DHX16: variants seen among roughly 807,000 people sequenced by gnomAD.
DHX16 encodes pre-mRNA-splicing factor ATP-dependent RNA helicase DHX16.
Under a neutral mutation model 131.2 loss-of-function variants are expected in DHX16, and 81 were observed. That is an observed-to-expected ratio of 0.62 (90% CI 0.52 to 0.74). DHX16 has a LOEUF of 0.74. Among genes scored for constraint, DHX16 ranks in the 30% least tolerant of loss-of-function variants. The pLI is 0.00. For synonymous variants in DHX16, 440 were observed against 520.2 expected, an observed-to-expected ratio of 0.85 and a Z score of 2.10; for missense variants, 980 against 1,363.1, an observed-to-expected ratio of 0.72 and a Z score of 4.43.
chr6:30,669,962 T>G (rs1167953586), intron 4 of DHX16, among the ~76,000 whole-genome samples: 1 of 152,002 alleles, frequency 6.6e-6, no homozygotes, highest in Non-Finnish European at 1.5e-5. Flanking sequence ...ACATAAGGGG[T>G]GCAGGAATTA....
chr6:30,670,558 T>A lies in DHX16; in HGVS notation c.610-92A>T. On this transcript the variant is annotated intron_variant, in intron 3 of 19. Coordinates refer to ENST00000376442, the MANE Select transcript of DHX16 (RefSeq NM_003587.5). The surrounding 1 kb of genome is among the most constrained non-coding windows in gnomAD (Gnocchi z 4.4). ...TCTAGAATCACAAGGATCATTCAGA[T>A]GCGCCCTAACACAAAAAATGTCCCC... 7.1e-7 allele frequency: 1 copy of A among 1,411,634 alleles called. No individual in the cohort carries two copies. Among genetic ancestry groups the A allele is most frequent in the South Asian group, 1.2e-5 (1 of 82,558 alleles). The allele number at this position is 1,411,634 out of a possible 1,614,324, so 87.4% of individuals were successfully genotyped here.
At chr6:30,661,531 C>T (rs1016192441) in intron 9 of DHX16, among the ~76,000 whole-genome samples, 43 of 152,320 alleles carry the variant, frequency 2.8e-4, no homozygotes, top group Non-Finnish European at 5.1e-4. Flanking sequence ...CTGCTGCTGG[C>T]ATCATTCTTG....
chr6:30,659,868 G>T, intron 10 of DHX16, 34 bp from the exon 11 acceptor site: 1 of 1,602,818 alleles, frequency 6.2e-7, no homozygotes, highest in Non-Finnish European at 8.5e-7. Flanking sequence ...TCACAGGAGG[G>T]CCACCTGCTT....
In DHX16 at chr6:30,656,660, T is replaced by C. The variant is rs1768012582; in HGVS notation, c.2248A>G (p.Thr750Ala). The C allele has an allele frequency of 6.2e-7, 1 of 1,613,962 alleles. No homozygotes were observed. Among genetic ancestry groups the C allele is most frequent in the Non-Finnish European group, 8.5e-7 (1 of 1,179,996 alleles). Residue 750 changes from threonine (T) to alanine (A), a missense_variant, in exon 14 of 20, where the codon ACC becomes GCC. This residue lies in a region of DHX16 where 309 missense variants were observed against 537.1 expected (regional missense o/e 0.58). Coordinates refer to ENST00000376442, the MANE Select transcript of DHX16 (RefSeq NM_003587.5). The surrounding 1 kb of genome is among the most constrained non-coding windows in gnomAD (Gnocchi z 5.1). ...GTCCTCTGGATCTCAGGCACTGTGG[T>C]TTCCTCAAGCTCGTGCTGATAGGCC... is the stretch of plus-strand genomic sequence containing the variant. ...AWAYQHELEE[T>A]TVPEIQRTSL...
rs1490077235 is a variant in DHX16 at position 30,665,709 on chromosome 6, G to A, written c.691C>T (p.Arg231Cys). 1.2e-6 allele frequency: 2 copies of A among 1,610,792 alleles called. No individual in the cohort carries two copies. Among genetic ancestry groups the A allele is most frequent in the Non-Finnish European group, 1.7e-6 (2 of 1,180,016 alleles). Residue 231 changes from arginine to cysteine, a missense_variant, in exon 5 of 20, where the codon CGC (arginine) becomes TGC (cysteine). Physicochemically the swap from Arg to Cys is radical, Grantham distance 180. Around this residue, in one of 3 missense-constraint regions of DHX16, gnomAD observed 457 missense variants for 554.8 expected, o/e 0.82. Transcript: ENST00000376442. The surrounding 1 kb of genome is among the most constrained non-coding windows in gnomAD (Gnocchi z 4.8). The stretch of plus-strand genomic sequence containing the variant: ...TCCCGCTTAGCCAGGTACTCTCGGC[G>A]AGATTTCTTCCGCAGCTCAGGGACC... Reference protein sequence around the residue: ...AMVPELRKKSRREYLAKRERE... With the variant: ...AMVPELRKKSCREYLAKRERE...
chr6:30,670,145 AAT>A lies in DHX16; in HGVS notation c.666+263_666+264del, dbSNP rs1370811234. Among the ~76,000 whole-genome samples, 2 of 152,160 alleles carry A rather than the reference AAT, an allele frequency of 1.3e-5. No homozygotes were observed. The highest frequency in any genetic ancestry group is 2.9e-5 in the Non-Finnish European group (2 of 68,020). ...GGGAAAGCTCACAATTTCATTCACT[AAT>A]AGAGTATATTTGATCCTAAAGTTAA... On this transcript the variant is annotated intron_variant, in intron 4 of 19. Transcript: ENST00000376442. This position sits in a 1 kb window ranked among gnomAD's most constrained non-coding sequence, Gnocchi z 4.4.
chr6:30,653,381 G>A lies in DHX16; in HGVS notation c.2998-11C>T. On this transcript the variant is annotated splice_polypyrimidine_tract_variant and intron_variant, in intron 19 of 19. Transcript: ENST00000376442. ...CTCAATCTCCAGTACCTAGGAGAGA[G>A]AAAAGATCAATGGAGTTCCCTTCTT... 1.9e-6 allele frequency: 3 copies of A among 1,592,230 alleles called. No individual in the cohort carries two copies. The highest frequency in any genetic ancestry group is 2.6e-6 in the Non-Finnish European group (3 of 1,174,042).
intron 1 of DHX16, 126 bp from the exon 2 acceptor site, chr6:30,671,400 G>T: frequency 1.2e-6 from 1 of 863,234 alleles, no homozygotes; most frequent in Non-Finnish European, 1.8e-6. Context: ...CCCACTGTCA[G>T]GCAATGGCGT....
chr6:30,672,664 G>A lies in DHX16; in HGVS notation c.178C>T (p.Arg60Trp). Reference sequence around the variant, plus strand: ...TTCCAGAGTCTCAGGGCGAAGTCCCGGGCCGGCCCACTGAGATCCAAGGTA... The same window carrying A: ...TTCCAGAGTCTCAGGGCGAAGTCCCAGGCCGGCCCACTGAGATCCAAGGTA... ...TDTLDLSGPA[R>W]DFALRLWNKV... is the part of the protein sequence containing the mutation. Residue 60 changes from arginine (R) to tryptophan (W), a missense_variant, in exon 1 of 20, where the codon CGG (arginine) becomes TGG (tryptophan). Coordinates refer to ENST00000376442, the MANE Select transcript of DHX16 (RefSeq NM_003587.5). The A allele has an allele frequency of 1.2e-6, 2 of 1,612,724 alleles. No individual in the cohort carries two copies. The highest frequency in any genetic ancestry group is 1.1e-5 in the South Asian group (1 of 91,064).
chr6:30,662,329 T>C lies in DHX16; in HGVS notation c.1544+298A>G, dbSNP rs534432112. On this transcript the variant is annotated intron_variant, in intron 9 of 19. Transcript: ENST00000376442. The surrounding 1 kb of genome is among the most constrained non-coding windows in gnomAD (Gnocchi z 4.7). ...TTAGAGGGAACCAGGATGCTTCCTG[T>C]TTCTCCCTCTGAGCTGAGCATTCCA... is the stretch of plus-strand genomic sequence containing the variant. 3.4e-4 allele frequency among the ~76,000 whole-genome samples: 52 copies of C among 152,352 alleles called. No individual in the cohort carries two copies. Among genetic ancestry groups the C allele is most frequent in the African/African-American group, 1.3e-3 (52 of 41,572 alleles).
At chr6:30,657,502 AC>A (rs1768096389) in intron 12 of DHX16, among the ~76,000 whole-genome samples, 1 of 151,516 alleles carries the variant, frequency 6.6e-6, no homozygotes, top group Non-Finnish European at 1.5e-5. Flanking sequence ...TAAAATACAA[AC>A]CTGTCACATC....
At chr6:30,659,321 CCT>C in intron 12 of DHX16, 149 bp downstream of exon 12, 1 of 834,274 alleles carries the variant, frequency 1.2e-6, no homozygotes, top group Non-Finnish European at 1.8e-6. Flanking sequence ...CCATATTTCT[CCT>C]CTCTTCAGTC....
chr6:30,665,851 C>T lies in DHX16; in HGVS notation c.667-118G>A. On this transcript the variant is annotated intron_variant, in intron 4 of 19. Coordinates refer to ENST00000376442, the MANE Select transcript of DHX16 (RefSeq NM_003587.5). This position sits in a 1 kb window ranked among gnomAD's most constrained non-coding sequence, Gnocchi z 4.8. The stretch of plus-strand genomic sequence containing the variant: ...CAGGCATGAGAACCTCAGGATGCAC[C>T]CTCTACCTTCCCTCTGCAATGCACA... 1 of 1,298,790 alleles carries T rather than the reference C, an allele frequency of 7.7e-7. No individual in the cohort carries two copies. The allele number at this position is 1,298,790 out of a possible 1,614,324, so 80.5% of individuals were successfully genotyped here. A position where few individuals can be genotyped will look rare whatever the true frequency, so the allele number is the denominator to read the frequency against.
At chr6:30,671,300 G>A (rs1365069245) in intron 1 of DHX16, 26 bp from the exon 2 acceptor site, 3 of 1,602,152 alleles carry the variant, frequency 1.9e-6, no homozygotes, top group Non-Finnish European at 2.6e-6. Flanking sequence ...AAGATAAGGA[G>A]GTCTGAGCAA....
chr6:30,654,605 T>C (rs1217907314), intron 19 of DHX16, 101 bp downstream of exon 19: 1 of 1,201,190 alleles, frequency 8.3e-7, no homozygotes, highest in African/African-American at 1.5e-5. Flanking sequence ...CCTTCCTCTT[T>C]CTGTACCAGT....
At chr6:30,655,994 G>A (rs549550179) in intron 16 of DHX16, among the ~76,000 whole-genome samples, 2 of 152,288 alleles carry the variant, frequency 1.3e-5, no homozygotes, top group Middle Eastern at 6.8e-3. Flanking sequence ...GTTCCTCAAG[G>A]GGCCGGGCGC....
At chr6:30,655,020 A>G (rs543607750) in intron 18 of DHX16, 141 bp from the exon 19 acceptor site, 3 of 1,395,682 alleles carry the variant, frequency 2.1e-6, no homozygotes, top group Non-Finnish European at 2.9e-6. Context: ...ATGAACCTTC[A>G]GTGGTCTGGG....
rs940343733 is a variant in DHX16, at chr6:30,672,621, A to C, written c.207+14T>G. 1.2e-6 allele frequency: 2 copies of C among 1,601,140 alleles called. No homozygotes were observed. Among genetic ancestry groups the C allele is most frequent in the Non-Finnish European group, 1.7e-6 (2 of 1,170,540 alleles). ...GGGACAAATCACAGGGCCCCTCCCC[A>C]CCCCTGCCGACACCTTGTTCCAGAG... On this transcript the variant is annotated intron_variant, in intron 1 of 19. Transcript: ENST00000376442.
Position 30,671,079 on chromosome 6 carries a change from C to T in DHX16, c.403G>A (p.Glu135Lys), listed in dbSNP as rs751641787. 1 of 1,613,040 alleles carries T rather than the reference C, an allele frequency of 6.2e-7. No homozygotes were observed. The highest frequency in any genetic ancestry group is 2.2e-5 in the East Asian group (1 of 44,900). ...RKHLRKKREEEEEEEASEKGK... is the reference protein window; with the variant it reads ...RKHLRKKREEKEEEEASEKGK... ...TTCTCAGAAGCCTCTTCCTCCTCTTCTTCCTCACGCTTCTTCCTGAGGTGT... is the reference window on the plus strand; with the variant it reads ...TTCTCAGAAGCCTCTTCCTCCTCTTTTTCCTCACGCTTCTTCCTGAGGTGT... The change falls in exon 2 of 20, where the codon GAA (glutamate) becomes AAA (lysine). Residue 135 changes from glutamate to lysine, a missense_variant. Coordinates refer to ENST00000376442, the MANE Select transcript of DHX16 (RefSeq NM_003587.5).
Sources: allele counts gnomAD v4.1 joint callset (sites outside exome capture counted in the v4.1 genomes callset), GRCh38; gene constraint gnomAD v4.1.1; regional missense constraint gnomAD v4.1.1; non-coding constraint Gnocchi (gnomAD v3.1); transcripts MANE v1.5; gene names NCBI Gene and HGNC (gene_info 2026-07-23, HGNC 2026-07-21).